The following USP22 variants were observed in gnomAD, a reference collection of about 807,000 sequenced individuals.
USP22 encodes the protein ubiquitin carboxyl-terminal hydrolase 22.
Under a neutral mutation model 68.1 loss-of-function variants are expected in USP22, and 22 were observed. The ratio of observed to expected loss-of-function variants is 0.32; its 90% confidence interval spans 0.23 to 0.46. The LOEUF (loss-of-function observed/expected upper bound fraction) is 0.46, where lower values mean the gene tolerates loss of function less well. USP22 is among the 20% of genes least tolerant of loss of function. The pLI is 1.00. For synonymous variants in USP22, 279 were observed against 274.2 expected (o/e 1.02, Z -0.17); for missense variants, 433 against 695.8 (o/e 0.62, Z 4.25).
chr17:21,027,292 C>CAAAAAAAAAAAAAAAA lies in USP22; in HGVS notation c.304+1234_304+1249dup, dbSNP rs71357459. Among the ~76,000 whole-genome samples, 103 of 72,262 alleles carry CAAAAAAAAAAAAAAAA rather than the reference C, an allele frequency of 1.4e-3. 8 individuals are homozygous for CAAAAAAAAAAAAAAAA. Among genetic ancestry groups the CAAAAAAAAAAAAAAAA allele is most frequent in the African/African-American group, 4.2e-3 (84 of 20,012 alleles). The allele number at this position is 72,262 out of a possible 152,430, so 47.4% of individuals were successfully genotyped here. A position where few individuals can be genotyped will look rare whatever the true frequency, so the allele number is the denominator to read the frequency against. ...TCCAGACAAAGCGAGACCCTGTCTC[C>CAAAAAAAAAAAAAAAA]AAAAAAAAAAAAAAAAAATCAGACA... On this transcript the variant is annotated intron_variant, in intron 2 of 12. Coordinates refer to ENST00000261497, the MANE Select transcript of USP22 (RefSeq NM_015276.2).
Position 21,019,118 on chromosome 17 carries a change from C to T in USP22, c.486G>A (p.Pro162=), listed in dbSNP as rs766960526. 3.1e-6 allele frequency: 5 copies of T among 1,614,086 alleles called. No homozygotes were observed. Among genetic ancestry groups the T allele is most frequent in the African/African-American group, 2.7e-5 (2 of 74,950 alleles). ...KRELELLKHN[P]KRRKITSNCT... ...AGTTCGAGGTGATCTTTCTCCTTTT[C>T]GGGTTGTGCTTCAGCAGTTCAAGCT... The change falls in exon 4 of 13, where the codon CCG becomes CCA. Residue 162 remains proline (P), a synonymous_variant. Transcript: ENST00000261497.
In USP22 at chr17:21,004,952, G is replaced by A. The variant is rs746301589; in HGVS notation, c.1361C>T (p.Thr454Met). 6.8e-6 allele frequency: 11 copies of A among 1,614,214 alleles called. No individual in the cohort carries two copies. Among genetic ancestry groups the A allele is most frequent in the South Asian group, 2.2e-5 (2 of 91,084 alleles). Residue 454 changes from threonine (T) to methionine (M), a missense_variant, in exon 11 of 13, where the codon ACG (threonine) becomes ATG (methionine). Thr to Met is a moderately conservative substitution (Grantham distance 81). Coordinates refer to ENST00000261497, the MANE Select transcript of USP22 (RefSeq NM_015276.2). The stretch of plus-strand genomic sequence containing the variant: ...CTTGTTGTCATTGTTGAGACTGTCC[G>A]TGGGCTGCTGGTACTGTCCATTCAT... ...SRMNGQYQQP[T>M]DSLNNDNKYS...
intron 2 of USP22, among the ~76,000 whole-genome samples, chr17:21,024,421 A>G (rs111369120): frequency 2.4e-4 from 36 of 152,288 alleles, no homozygotes; most frequent in African/African-American, 7.9e-4. Flanking sequence ...ACCAACCGAC[A>G]TCCACAAGGC....
Position 21,001,716 on chromosome 17 carries a change from A to C in USP22, c.*1315T>G, listed in dbSNP as rs11541315. Reference sequence around the variant, plus strand: ...TCCTGGGACAAGCACAGCCCGAGACACACTTGCTTCATAAACTGTATTTCA... The same window carrying C: ...TCCTGGGACAAGCACAGCCCGAGACCCACTTGCTTCATAAACTGTATTTCA... On this transcript the variant is annotated 3_prime_UTR_variant, in exon 13 of 13. Transcript: ENST00000261497. 6.6e-6 allele frequency: 1 copy of C among 152,178 alleles called. No homozygotes were observed. Among genetic ancestry groups the C allele is most frequent in the African/African-American group, 2.4e-5 (1 of 41,436 alleles). The allele number at this position is 152,178 out of a possible 1,614,324, so 9.4% of individuals were successfully genotyped here.
chr17:21,002,927 C>T lies in USP22; in HGVS notation c.*104G>A, dbSNP rs534383259. 702 of 1,335,492 alleles carry T rather than the reference C, an allele frequency of 5.3e-4. No individual in the cohort carries two copies. Among genetic ancestry groups the T allele is most frequent in the African/African-American group, 1.6e-3 (101 of 62,946 alleles). 82.7% of individuals were successfully genotyped at this position (1,335,492 alleles called of 1,614,324 possible). Reference sequence around the variant, plus strand: ...TGCATGGGAGGTGGTGTCACCAGGCCGGGGAGGCGGCGGGAGACTTGGGGG... The same window carrying T: ...TGCATGGGAGGTGGTGTCACCAGGCTGGGGAGGCGGCGGGAGACTTGGGGG... On this transcript the variant is annotated 3_prime_UTR_variant, in exon 13 of 13. Transcript: ENST00000261497.
At chr17:21,018,266 A>G (rs1371709517) in intron 4 of USP22, 155 bp from the exon 5 acceptor site, 12 of 681,468 alleles carry the variant, frequency 1.8e-5, no homozygotes, top group Non-Finnish European at 2.6e-5. Context: ...GCTAGTTTTT[A>G]TGCCACTTTT....
At chr17:21,006,799 G>C (rs1018584531) in intron 10 of USP22, 97 bp downstream of exon 10, 5 of 1,041,168 alleles carry the variant, frequency 4.8e-6, no homozygotes, top group East Asian at 2.9e-5. Flanking sequence ...CACTGCACCC[G>C]GCCAACAGTC....
chr17:21,012,953 C>G lies in USP22; in HGVS notation c.839-18G>C, dbSNP rs1365198452. On this transcript the variant is annotated intron_variant, in intron 6 of 12. Coordinates refer to ENST00000261497, the MANE Select transcript of USP22 (RefSeq NM_015276.2). ...GTCATCACCTGGAGACAGACCACGG[C>G]TCTGGGATTAGTGTCTCCCCAAATA... 2.5e-6 allele frequency: 4 copies of G among 1,611,166 alleles called. No homozygotes were observed. The African/African-American group carries it at 5.3e-5, about 22-fold the overall frequency.
chr17:21,038,990 C>T (rs371350820), intron 1 of USP22, among the ~76,000 whole-genome samples: 16 of 151,904 alleles, frequency 1.1e-4, no homozygotes, highest in African/African-American at 1.7e-4. Flanking sequence ...CTCGCTCTGT[C>T]GCCCAGGCTG....
chr17:21,015,581 G>T, intron 6 of USP22, 171 bp downstream of exon 6: 1 of 947,062 alleles, frequency 1.1e-6, no homozygotes, highest in Non-Finnish European at 1.5e-6. Flanking sequence ...CCTCTCTGAG[G>T]TCATTAGTTA....
At chr17:21,041,261 T>C (rs1287070160) in intron 1 of USP22, among the ~76,000 whole-genome samples, 1 of 152,236 alleles carries the variant, frequency 6.6e-6, no homozygotes, top group Non-Finnish European at 1.5e-5. Flanking sequence ...TGTCTGATTT[T>C]AGTTCATCCA....
At chr17:21,038,075 CTATAAAATAAAAAGTAAATTCCTCAA>C (rs1972379313) in intron 1 of USP22, among the ~76,000 whole-genome samples, 1 of 152,106 alleles carries the variant, frequency 6.6e-6, no homozygotes, top group African/African-American at 2.4e-5. Flanking sequence ...ATCCAGTTCA[CTATAAAATAAAAAGTAAATTCCTCAA>C]AGAAACAAAG....
intron 1 of USP22, among the ~76,000 whole-genome samples, chr17:21,040,708 G>A (rs1260546677): frequency 1.3e-5 from 2 of 152,114 alleles, no homozygotes; most frequent in African/African-American, 2.4e-5. Context: ...GAGGGGGGAA[G>A]AAAGGGAGAG....
chr17:21,032,922 C>CAAAAAAAAAAAAAAAAA (rs753804890), intron 1 of USP22, among the ~76,000 whole-genome samples: 4 of 91,574 alleles, frequency 4.4e-5, no homozygotes, highest in South Asian at 4.0e-4. Context: ...GACCCTGTCT[C>CAAAAAAAAAAAAAAAAA]AAAAAAAAAA....
At position 21,006,649 on chromosome 17, in the gene USP22, T is replaced by C. The variant is rs981737172; in HGVS notation, c.1322+247A>G. 40 of 200,976 alleles carry C rather than the reference T, an allele frequency of 2.0e-4. 1 individual carries two copies. Among genetic ancestry groups the C allele is most frequent in the Non-Finnish European group, 3.5e-4 (34 of 98,192 alleles). 12.4% of individuals were successfully genotyped at this position (200,976 alleles called of 1,614,324 possible). A position where few individuals can be genotyped will look rare whatever the true frequency, so the allele number is the denominator to read the frequency against. On this transcript the variant is annotated intron_variant, in intron 10 of 12. Coordinates refer to ENST00000261497, the MANE Select transcript of USP22 (RefSeq NM_015276.2). ...CCTCCCAAATAGCTGGGACTACAGG[T>C]GCCTGCCACCACACCCAGCTAATTT...
chr17:21,001,198 ATTCT>A lies in USP22; in HGVS notation c.*1829_*1832del, dbSNP rs1447470227. The A allele has an allele frequency of 6.6e-6, 1 of 152,164 alleles. No individual in the cohort carries two copies. Among genetic ancestry groups the A allele is most frequent in the Non-Finnish European group, 1.5e-5 (1 of 68,030 alleles). The allele number at this position is 152,164 out of a possible 1,614,324, so 9.4% of individuals were successfully genotyped here. On this transcript the variant is annotated 3_prime_UTR_variant, in exon 13 of 13. Transcript: ENST00000261497. ...TTTTATAAAACATGCTTCCATGTGA[ATTCT>A]TTAAGTGCAGAAAAACAACAGAAAA...
intron 2 of USP22, 98 bp downstream of exon 2, chr17:21,028,444 A>G: frequency 6.5e-7 from 1 of 1,547,556 alleles, no homozygotes; most frequent in Non-Finnish European, 8.7e-7. Context: ...GACAAACGAC[A>G]AAGTGGACTT....
At chr17:21,003,698 T>C (rs1053056866) in intron 12 of USP22, among the ~76,000 whole-genome samples, 4 of 152,052 alleles carry the variant, frequency 2.6e-5, no homozygotes, top group African/African-American at 9.7e-5. Context: ...AGTCAGGAGT[T>C]TGAAACCAGC....
At chr17:21,026,708 T>C (rs952516259) in intron 2 of USP22, among the ~76,000 whole-genome samples, 2 of 151,310 alleles carry the variant, frequency 1.3e-5, no homozygotes, top group Non-Finnish European at 2.9e-5. Flanking sequence ...CTCACTCCTA[T>C]AATCCCAGCA....
Sources: gnomAD v4.1 joint callset for allele counts (sites outside exome capture counted in the v4.1 genomes callset) on GRCh38, gnomAD v4.1.1 for gene constraint, MANE v1.5 for transcripts, NCBI Gene and HGNC (gene_info 2026-07-23, HGNC 2026-07-21) for gene names.